EPC2: variants seen among roughly 807,000 people sequenced by gnomAD.
EPC2 encodes enhancer of polycomb 2, also known as enhancer of polycomb homolog 2.
Under a neutral mutation model 92.1 loss-of-function variants are expected in EPC2, and 14 were observed. That is an observed-to-expected ratio of 0.15 (90% confidence interval 0.10 to 0.24). The LOEUF (loss-of-function observed/expected upper bound fraction) is 0.24, where lower values mean the gene tolerates loss of function less well. Ranked by LOEUF, EPC2 falls within the 10% of genes least tolerant of loss-of-function variation. EPC2 has a pLI of 1.00. For missense variants in EPC2, 755 were observed against 971.5 expected, an observed-to-expected ratio of 0.78 and a Z score of 2.96; for synonymous variants, 340 against 334.7, an observed-to-expected ratio of 1.02 and a Z score of -0.17.
At chr2:148,705,456 T>C (rs549515738) in intron 2 of EPC2, among the ~76,000 whole-genome samples, 2 of 152,144 alleles carry the variant, frequency 1.3e-5, no homozygotes, top group Non-Finnish European at 2.9e-5. Flanking sequence ...CATTTCCAAC[T>C]GAGCTCTGAA....
intron 2 of EPC2, among the ~76,000 whole-genome samples, chr2:148,701,609 A>G (rs1028213103): frequency 6.6e-6 from 1 of 152,136 alleles, no homozygotes; most frequent in Non-Finnish European, 1.5e-5. Context: ...TAATTTTTAT[A>G]TGTTGGATTC....
chr2:148,706,286 A>T (rs1209387792), intron 2 of EPC2, among the ~76,000 whole-genome samples: 1 of 152,174 alleles, frequency 6.6e-6, no homozygotes, highest in East Asian at 1.9e-4. Context: ...ATGAAGCAAG[A>T]AGTTTAGAGA....
chr2:148,755,584 A>G (rs1473065507), intron 4 of EPC2, among the ~76,000 whole-genome samples: 1 of 152,194 alleles, frequency 6.6e-6, no homozygotes, highest in Non-Finnish European at 1.5e-5. Context: ...GATATGTTAG[A>G]TACACAAGTA....
intron 13 of EPC2, 34 bp from the exon 14 acceptor site, chr2:148,786,271 G>T (rs1237284197): frequency 1.3e-6 from 2 of 1,515,850 alleles, no homozygotes; most frequent in South Asian, 1.2e-5. Context: ...AGAGAGTATT[G>T]ATATTTATTT....
At chr2:148,743,106 A>G (rs1228148852) in intron 2 of EPC2, among the ~76,000 whole-genome samples, 1 of 152,140 alleles carries the variant, frequency 6.6e-6, no homozygotes, top group East Asian at 1.9e-4. Flanking sequence ...ACTTTTTACC[A>G]TTAAATTTTG....
At chr2:148,692,994 A>T (rs920310469) in intron 2 of EPC2, among the ~76,000 whole-genome samples, 2 of 152,100 alleles carry the variant, frequency 1.3e-5, no homozygotes, top group Non-Finnish European at 2.9e-5. Flanking sequence ...TTCTAGTCAT[A>T]TTTTAAGTTT....
chr2:148,762,385 G>A (rs1683318031), intron 5 of EPC2, among the ~76,000 whole-genome samples: 1 of 151,936 alleles, frequency 6.6e-6, no homozygotes, highest in Admixed American at 6.6e-5. Context: ...ACAGAATTTT[G>A]TATGATTCCT....
At chr2:148,780,440 C>A (rs1683725182) in intron 10 of EPC2, among the ~76,000 whole-genome samples, 1 of 152,066 alleles carries the variant, frequency 6.6e-6, no homozygotes, top group African/African-American at 2.4e-5. Flanking sequence ...ATGTGTGATC[C>A]TATTCAACAG....
intron 10 of EPC2, among the ~76,000 whole-genome samples, chr2:148,780,476 A>C (rs1683725950): frequency 6.6e-6 from 1 of 152,188 alleles, no homozygotes; most frequent in African/African-American, 2.4e-5. Flanking sequence ...TAAGTAAGGT[A>C]GATTGAGGCT....
intron 2 of EPC2, among the ~76,000 whole-genome samples, chr2:148,733,310 AC>A (rs1682682835): frequency 6.6e-6 from 1 of 151,630 alleles, no homozygotes; most frequent in African/African-American, 2.4e-5. Flanking sequence ...GAAATACTTT[AC>A]TTTTCCTAAT....
chr2:148,651,938 C>T (rs1680696036), intron 1 of EPC2, among the ~76,000 whole-genome samples: 1 of 152,196 alleles, frequency 6.6e-6, no homozygotes, highest in African/African-American at 2.4e-5. Context: ...AATTTGCACT[C>T]AGGCTGATTG....
At chr2:148,673,581 TTTC>T in intron 1 of EPC2, among the ~76,000 whole-genome samples, 1 of 152,266 alleles carries the variant, frequency 6.6e-6, no homozygotes, top group African/African-American at 2.4e-5. Flanking sequence ...ATTAATCATT[TTTC>T]TTATTTATTT....
intron 3 of EPC2, among the ~76,000 whole-genome samples, chr2:148,747,137 AC>A (rs1341088486): frequency 6.6e-6 from 1 of 151,944 alleles, no homozygotes; most frequent in African/African-American, 2.4e-5. Context: ...ACTATTGAAC[AC>A]CCGATTTTTA....
chr2:148,653,990 C>A (rs572406182), intron 1 of EPC2, among the ~76,000 whole-genome samples: 1 of 150,190 alleles, frequency 6.7e-6, no homozygotes, highest in Admixed American at 6.6e-5. Flanking sequence ...CTCTGTCACC[C>A]AGGCTGGAGT....
At chr2:148,676,120 T>C (rs1158087260) in intron 1 of EPC2, among the ~76,000 whole-genome samples, 1 of 145,692 alleles carries the variant, frequency 6.9e-6, no homozygotes, top group East Asian at 2.3e-4. Context: ...AAGTCATGAA[T>C]TACTTAGTTT....
chr2:148,759,533 A>G (rs1328084252), intron 4 of EPC2, among the ~76,000 whole-genome samples: 10 of 152,218 alleles, frequency 6.6e-5, no homozygotes, highest in Non-Finnish European at 1.3e-4. Flanking sequence ...ATTAAGTAAT[A>G]GGATTATATT....
intron 1 of EPC2, among the ~76,000 whole-genome samples, chr2:148,649,467 GT>G (rs1680618258): frequency 6.6e-6 from 1 of 152,124 alleles, no homozygotes; most frequent in African/African-American, 2.4e-5. Flanking sequence ...AGCTTCCTTT[GT>G]TCCGTACGAT....
In EPC2 at chr2:148,781,787, T is replaced by A; in HGVS notation, c.1857+7T>A. The A allele has an allele frequency of 6.2e-7, 1 of 1,613,280 alleles. No homozygotes were observed. Among genetic ancestry groups the A allele is most frequent in the African/African-American group, 1.3e-5 (1 of 75,018 alleles). Reference sequence around the variant, plus strand: ...GACACATCCAAAAGCACAGGTAAACTGCTCTTTTCGTCATAGTTACGTTTG... The same window carrying A: ...GACACATCCAAAAGCACAGGTAAACAGCTCTTTTCGTCATAGTTACGTTTG... On this transcript the variant is annotated splice_region_variant and intron_variant, in intron 11 of 13. Coordinates refer to ENST00000258484, the MANE Select transcript of EPC2 (RefSeq NM_015630.4).
chr2:148,683,233 T>A (rs1681445817), intron 1 of EPC2, among the ~76,000 whole-genome samples: 2 of 152,038 alleles, frequency 1.3e-5, no homozygotes, highest in Admixed American at 1.3e-4. Flanking sequence ...CTTAATCCCC[T>A]CTCATCCTTC....
Sources: allele counts gnomAD v4.1 joint callset (sites outside exome capture counted in the v4.1 genomes callset), GRCh38; gene constraint gnomAD v4.1.1; transcripts MANE v1.5; gene names NCBI Gene and HGNC (gene_info 2026-07-23, HGNC 2026-07-21).